LPCAT1: variants seen among roughly 807,000 people sequenced by gnomAD.
LPCAT1 encodes the protein lysophosphatidylcholine acyltransferase 1, also known as 1-acylglycerol-3-phosphate O-acyltransferase.
A neutral mutation model predicts 60.9 loss-of-function variants in LPCAT1; 23 were observed. The ratio of observed to expected loss-of-function variants is 0.38; its 90% CI spans 0.27 to 0.53. LPCAT1 has a LOEUF of 0.53. Among genes scored for constraint, LPCAT1 ranks in the 20% least tolerant of loss-of-function variants. The probability of loss-of-function intolerance (pLI) is 0.82; values close to 1 mark genes in which losing one functional copy is unlikely to be tolerated. For synonymous variants in LPCAT1, 340 were observed against 301.1 expected (o/e 1.13, Z -1.34); for missense variants, 622 against 723.6 (o/e 0.86, Z 1.61).
chr5:1,515,384 G>A (rs954363337), intron 1 of LPCAT1, among the ~76,000 whole-genome samples: 1 of 151,402 alleles, frequency 6.6e-6, no homozygotes, highest in Non-Finnish European at 1.5e-5. Context: ...ACCCTCAAAA[G>A]CTGCAGGAGC....
At position 1,502,967 on chromosome 5, in the gene LPCAT1, C is replaced by T. The variant is rs781218115; in HGVS notation, c.136-1364G>A. Reference sequence around the variant, plus strand: ...GCCCGGTATATCTGAAATACCATTTCGACACGTACTCAACGTAGAAGTTGC... The same window carrying T: ...GCCCGGTATATCTGAAATACCATTTTGACACGTACTCAACGTAGAAGTTGC... On this transcript the variant is annotated intron_variant, in intron 1 of 13. Coordinates refer to ENST00000283415, the MANE Select transcript of LPCAT1 (RefSeq NM_024830.5). The surrounding 1 kb of genome is among the most constrained non-coding windows in gnomAD (Gnocchi z 5.5). Among the ~76,000 whole-genome samples, 36 of 152,150 alleles carry T rather than the reference C, an allele frequency of 2.4e-4. No individual in the cohort carries two copies. Among genetic ancestry groups the T allele is most frequent in the Non-Finnish European group, 3.4e-4 (23 of 68,032 alleles).
intron 1 of LPCAT1, among the ~76,000 whole-genome samples, chr5:1,506,765 C>G (rs916568737): frequency 2.0e-5 from 3 of 152,234 alleles, no homozygotes; most frequent in African/African-American, 7.2e-5. Context: ...AGACTCAGGT[C>G]GCTAAAGTGG....
chr5:1,510,562 T>A (rs1488709959), intron 1 of LPCAT1, among the ~76,000 whole-genome samples: 1 of 152,242 alleles, frequency 6.6e-6, no homozygotes, highest in Non-Finnish European at 1.5e-5. Context: ...CTTACGAGGA[T>A]GCTGCACGGT....
In LPCAT1 at chr5:1,496,675, T is replaced by G. The variant is rs77026441; in HGVS notation, c.279-1761A>C. 0.046 allele frequency among the ~76,000 whole-genome samples: 6,954 copies of G among 152,232 alleles called. 183 individuals carry two copies. Among genetic ancestry groups the G allele is most frequent in the South Asian group, 0.087 (422 of 4,828 alleles). On this transcript the variant is annotated intron_variant, in intron 2 of 13. Coordinates refer to ENST00000283415, the MANE Select transcript of LPCAT1 (RefSeq NM_024830.5). The surrounding 1 kb of genome is among the most constrained non-coding windows in gnomAD (Gnocchi z 4.7). ...AGGGACAGACGGTGCTCAGGGGAAC[T>G]GTACTGGGTGTCGGGGCAGGGAAAA...
intron 4 of LPCAT1, 102 bp from the exon 5 acceptor site, chr5:1,488,553 C>G: frequency 1.3e-6 from 1 of 792,240 alleles, no homozygotes; most frequent in Admixed American, 2.7e-5. Context: ...TTTCTGCTGA[C>G]ATAATTTGGA....
At chr5:1,491,736 C>G (rs1409255315) in intron 3 of LPCAT1, among the ~76,000 whole-genome samples, 1 of 152,152 alleles carries the variant, frequency 6.6e-6, no homozygotes, top group East Asian at 1.9e-4. Flanking sequence ...GCATTTGAGG[C>G]TCAAACTTTC....
At position 1,523,674 on chromosome 5, in the gene LPCAT1, C is replaced by A. The variant is rs1736745407; in HGVS notation, c.135+36G>T. On this transcript the variant is annotated intron_variant, in intron 1 of 13. Coordinates refer to ENST00000283415, the MANE Select transcript of LPCAT1 (RefSeq NM_024830.5). The surrounding 1 kb of genome is among the most constrained non-coding windows in gnomAD (Gnocchi z 7.1). ...CTGGCCCCAGCATCCCTGGCGTCCG[C>A]GCCGGCTCCCGGGGCCGCGCGCCCT... The A allele has an allele frequency of 2.8e-6, 3 of 1,072,310 alleles. No homozygotes were observed. Among genetic ancestry groups the A allele is most frequent in the Non-Finnish European group, 3.4e-6 (3 of 886,616 alleles). 66.4% of individuals were successfully genotyped at this position (1,072,310 alleles called of 1,614,324 possible).
In LPCAT1 at chr5:1,465,820, GCA is replaced by G. The variant is rs1482196256; in HGVS notation, c.1420+927_1420+928del. ...TACTAAAAGAAGCACGCACATGCGT[GCA>G]CACACGTATGCACACGCACGGTAAC... On this transcript the variant is annotated intron_variant, in intron 13 of 13. Coordinates refer to ENST00000283415, the MANE Select transcript of LPCAT1 (RefSeq NM_024830.5). 2.6e-5 allele frequency among the ~76,000 whole-genome samples: 4 copies of G among 151,406 alleles called. No individual in the cohort carries two copies. The South Asian group carries it at 6.3e-4, about 24-fold the overall frequency.
In LPCAT1 at chr5:1,483,943, A is replaced by C. The variant is rs902971491; in HGVS notation, c.668-457T>G. Among the ~76,000 whole-genome samples the C allele has an allele frequency of 6.6e-6, 1 of 152,198 alleles. No homozygotes were observed. The highest frequency in any genetic ancestry group is 1.5e-5 in the Non-Finnish European group (1 of 68,040). The stretch of plus-strand genomic sequence containing the variant: ...ACTTTCTGCTGTAACATCGCGCACC[A>C]GCTGGAAGGCGTTGGTGGGAAGTGG... On this transcript the variant is annotated intron_variant, in intron 5 of 13. Coordinates refer to ENST00000283415, the MANE Select transcript of LPCAT1 (RefSeq NM_024830.5). This position sits in a 1 kb window ranked among gnomAD's most constrained non-coding sequence, Gnocchi z 9.2.
chr5:1,511,634 C>T lies in LPCAT1; in HGVS notation c.136-10031G>A, dbSNP rs564051670. ...CACCTTACGTGGGGATGCACCTGTA[C>T]GCCTCACTCACTCTGCCATCAGGAC... On this transcript the variant is annotated intron_variant, in intron 1 of 13. Transcript: ENST00000283415. 4.8e-4 allele frequency among the ~76,000 whole-genome samples: 73 copies of T among 152,350 alleles called. 1 individual carries two copies. Among genetic ancestry groups the T allele is most frequent in the African/African-American group, 1.1e-3 (47 of 41,580 alleles).
At chr5:1,511,033 G>A (rs1339260621) in intron 1 of LPCAT1, among the ~76,000 whole-genome samples, 6 of 152,186 alleles carry the variant, frequency 3.9e-5, no homozygotes, top group African/African-American at 1.2e-4. Flanking sequence ...CCTGCGGGGC[G>A]TCCCCACCAG....
At chr5:1,486,064 C>T (rs181540144) in intron 5 of LPCAT1, among the ~76,000 whole-genome samples, 742 of 152,300 alleles carry the variant, frequency 4.9e-3, no homozygotes, top group Non-Finnish European at 8.7e-3. Context: ...CCAGGACCTT[C>T]CAGGAGGGGT....
At position 1,483,026 on chromosome 5, in the gene LPCAT1, G is replaced by C. The variant is rs957202668; in HGVS notation, c.726+402C>G. Among the ~76,000 whole-genome samples, 11 of 152,238 alleles carry C rather than the reference G, an allele frequency of 7.2e-5. No homozygotes were observed. In the East Asian group the frequency reaches 2.1e-3, roughly 29 times the overall value. ...GTTCTTAATTTTTAAACTTCCTGGAGCATGAACTGGGTACTGAAAGCTGCT... is the reference window on the plus strand; with the variant it reads ...GTTCTTAATTTTTAAACTTCCTGGACCATGAACTGGGTACTGAAAGCTGCT... On this transcript the variant is annotated intron_variant, in intron 6 of 13. Coordinates refer to ENST00000283415, the MANE Select transcript of LPCAT1 (RefSeq NM_024830.5). The surrounding 1 kb of genome is among the most constrained non-coding windows in gnomAD (Gnocchi z 9.2).
chr5:1,501,589 T>C lies in LPCAT1; in HGVS notation c.150A>G (p.Thr50=). The C allele has an allele frequency of 6.2e-7, 1 of 1,613,628 alleles. No individual in the cohort carries two copies. The highest frequency in any genetic ancestry group is 8.5e-7 in the Non-Finnish European group (1 of 1,179,868). ...ALQKAQVALM[T]LTLFPVRLLV... Reference sequence around the variant, plus strand: ...GGAGCCGGACCGGGAAGAGCGTCAGTGTCATGAGGGCCACCTGCAGACAGA... The same window carrying C: ...GGAGCCGGACCGGGAAGAGCGTCAGCGTCATGAGGGCCACCTGCAGACAGA... The change falls in exon 2 of 14, where the codon ACA becomes ACG. Residue 50 remains threonine, a synonymous_variant. Transcript: ENST00000283415.
At position 1,488,291 on chromosome 5, in the gene LPCAT1, C is replaced by T. The variant is rs1160217905; in HGVS notation, c.667+100G>A. On this transcript the variant is annotated intron_variant, in intron 5 of 13. Transcript: ENST00000283415. Reference sequence around the variant, plus strand: ...AGAACCCCAGCACACAGGATAAAAACAGAAACTGTTCTTATGTGCACAGCA... The same window carrying T: ...AGAACCCCAGCACACAGGATAAAAATAGAAACTGTTCTTATGTGCACAGCA... The T allele has an allele frequency of 5.5e-6, 4 of 724,450 alleles. No individual in the cohort carries two copies. In the African/African-American group the frequency reaches 7.2e-5, roughly 13 times the overall value. 44.9% of individuals were successfully genotyped at this position (724,450 alleles called of 1,614,324 possible). A position where few individuals can be genotyped will look rare whatever the true frequency, so the allele number is the denominator to read the frequency against.
chr5:1,465,311 C>T (rs1241945582), intron 13 of LPCAT1, among the ~76,000 whole-genome samples: 1 of 145,628 alleles, frequency 6.9e-6, no homozygotes, highest in Non-Finnish European at 1.5e-5. Flanking sequence ...TGTGCGCGCA[C>T]ACACAAAACA....
rs551943495 is a variant in LPCAT1 at position 1,483,966 on chromosome 5, TG to T, written c.668-481del. Among the ~76,000 whole-genome samples, 2 of 152,158 alleles carry T rather than the reference TG, an allele frequency of 1.3e-5. No individual in the cohort carries two copies. The highest frequency in any genetic ancestry group is 2.9e-5 in the Non-Finnish European group (2 of 68,022). On this transcript the variant is annotated intron_variant, in intron 5 of 13. Transcript: ENST00000283415. The surrounding 1 kb of genome is among the most constrained non-coding windows in gnomAD (Gnocchi z 9.2). ...CCAGCTGGAAGGCGTTGGTGGGAAG[TG>T]GGGGTCCTCATCACCGGCCAATGCT... is the stretch of plus-strand genomic sequence containing the variant.
rs202218033 is a variant in LPCAT1, at chr5:1,474,656, G to T, written c.929C>A (p.Thr310Lys). The change falls in exon 10 of 14, where the codon ACG (threonine) becomes AAG (lysine). Residue 310 changes from threonine (T) to lysine (K), a missense_variant. Coordinates refer to ENST00000283415, the MANE Select transcript of LPCAT1 (RefSeq NM_024830.5). ...CAGGGCCAGCTGGCAGTCCTCGAAC[G>T]TGTAGTCAGTCACGGAGACACCCAA... ...EALGVSVTDY[T>K]FEDCQLALAE... 4 of 1,613,886 alleles carry T rather than the reference G, an allele frequency of 2.5e-6. No individual in the cohort carries two copies. Among genetic ancestry groups the T allele is most frequent in the Non-Finnish European group, 8.5e-7 (1 of 1,179,958 alleles).
chr5:1,465,731 C>T (rs955916876), intron 13 of LPCAT1, among the ~76,000 whole-genome samples: 6 of 152,228 alleles, frequency 3.9e-5, no homozygotes, highest in African/African-American at 4.8e-5. Flanking sequence ...GCTTTCAATA[C>T]TGAAACAAGC....
Sources: allele counts gnomAD v4.1 joint callset (sites outside exome capture counted in the v4.1 genomes callset), GRCh38; gene constraint gnomAD v4.1.1; non-coding constraint Gnocchi (gnomAD v3.1); transcripts MANE v1.5; gene names NCBI Gene and HGNC (gene_info 2026-07-23, HGNC 2026-07-21).